Variants in BST1 observed in about 807,000 individuals in gnomAD.
BST1 encodes bone marrow stromal cell antigen 1, also known as ADP-ribosyl cyclase/cyclic ADP-ribose hydrolase 2.
In BST1, 49 loss-of-function variants were observed where a neutral mutation model predicts 40.6. The observed-to-expected ratio is 1.21, with a 90% CI of 0.96 to 1.53. The LOEUF (loss-of-function observed/expected upper bound fraction) is 1.53. BST1 is among the 40% of genes most tolerant of loss of function. The probability of loss-of-function intolerance (pLI) is 0.00; values close to 1 mark genes in which losing one functional copy is unlikely to be tolerated. For synonymous variants in BST1, 157 were observed against 159.3 expected, an observed-to-expected ratio of 0.99 and a Z score of 0.11; for missense variants, 423 against 395.9, an observed-to-expected ratio of 1.07 and a Z score of -0.58.
At chr4:15,757,388 C>T in the BST1 span, among the ~76,000 whole-genome samples, 1 of 152,160 alleles carries the variant, frequency 6.6e-6, no homozygotes, top group African/African-American at 2.4e-5. Context: ...GCACGAACTG[C>T]AGTGTATTTT....
At chr4:15,720,599 CA>C (rs575238008) in intron 7 of BST1, among the ~76,000 whole-genome samples, 2,352 of 109,958 alleles carry the variant, frequency 0.021, 27 homozygotes, top group African/African-American at 0.055. Context: ...GACTCTGTCT[CA>C]AAAAAAAAAA....
chr4:15,710,403 A>G (rs955063689), intron 3 of BST1, among the ~76,000 whole-genome samples: 4 of 152,298 alleles, frequency 2.6e-5, no homozygotes, highest in African/African-American at 9.6e-5. Flanking sequence ...TTAGCATATC[A>G]ATCATCTTAA....
At chr4:15,758,993 A>C in the BST1 span, among the ~76,000 whole-genome samples, 1 of 151,852 alleles carries the variant, frequency 6.6e-6, no homozygotes, top group Non-Finnish European at 1.5e-5. Context: ...CATGGCTAAG[A>C]GTCAATGCTT....
At chr4:15,723,877 A>T (rs1720959960) in intron 8 of BST1, among the ~76,000 whole-genome samples, 1 of 152,146 alleles carries the variant, frequency 6.6e-6, no homozygotes, top group Non-Finnish European at 1.5e-5. Context: ...CCATATCTGT[A>T]TCTGTGCCTG....
chr4:15,704,786 G>T, intron 1 of BST1: 1 of 672,298 alleles, frequency 1.5e-6, no homozygotes. Flanking sequence ...CCTAAATCTG[G>T]AGGATTTCTG....
chr4:15,752,109 A>G, the BST1 span, among the ~76,000 whole-genome samples: 1 of 152,190 alleles, frequency 6.6e-6, no homozygotes, highest in Non-Finnish European at 1.5e-5. Context: ...AACAGCTATC[A>G]TTGTGTGTTT....
At chr4:15,758,994 G>A in the BST1 span, among the ~76,000 whole-genome samples, 1 of 151,850 alleles carries the variant, frequency 6.6e-6, no homozygotes, top group Non-Finnish European at 1.5e-5. Flanking sequence ...ATGGCTAAGA[G>A]TCAATGCTTG....
intron 4 of BST1, among the ~76,000 whole-genome samples, chr4:15,714,647 C>G (rs1720409557): frequency 6.6e-6 from 1 of 152,180 alleles, no homozygotes; most frequent in Non-Finnish European, 1.5e-5. Flanking sequence ...CTGCACTATA[C>G]ATCTCTGTGC....
chr4:15,723,619 T>G, intron 8 of BST1: 4 of 984,764 alleles, frequency 4.1e-6, no homozygotes, highest in Non-Finnish European at 4.8e-6. Context: ...GTAGTTGTTT[T>G]GCTATTATAA....
chr4:15,749,429 A>G, the BST1 span, among the ~76,000 whole-genome samples: 1 of 152,012 alleles, frequency 6.6e-6, no homozygotes, highest in Non-Finnish European at 1.5e-5. Flanking sequence ...TATTCAGGGG[A>G]TCTTTTCTAG....
the BST1 span, among the ~76,000 whole-genome samples, chr4:15,751,154 G>A: frequency 1.3e-5 from 2 of 152,212 alleles, no homozygotes; most frequent in Non-Finnish European, 2.9e-5. Flanking sequence ...GGATAGGCAG[G>A]TGAGTGAGCA....
intron 1 of BST1, among the ~76,000 whole-genome samples, chr4:15,704,570 G>A (rs11947383): frequency 0.42 from 63,027 of 150,406 alleles, 13,440 homozygotes; most frequent in African/African-American, 0.5. Context: ...TGAGGGATGT[G>A]TGTGTGGTCT....
At chr4:15,743,376 T>C in the BST1 span, 1 of 318,882 alleles carries the variant, frequency 3.1e-6, no homozygotes, top group Non-Finnish European at 6.1e-6. Context: ...GACTAATCTG[T>C]ATGAAGCTGT....
intron 8 of BST1, chr4:15,723,529 T>G (rs1203034650): frequency 2.0e-6 from 2 of 985,208 alleles, no homozygotes; most frequent in Non-Finnish European, 1.2e-6. Flanking sequence ...ATTACAGGCG[T>G]AAGCCACCAC....
chr4:15,757,293 T>C, the BST1 span, among the ~76,000 whole-genome samples: 1 of 152,198 alleles, frequency 6.6e-6, no homozygotes, highest in Non-Finnish European at 1.5e-5. Context: ...TAGCTTTTTT[T>C]CTTGCTAATC....
chr4:15,759,002 TTGGAATCAGG>T, the BST1 span, among the ~76,000 whole-genome samples: 677 of 152,062 alleles, frequency 4.5e-3, 17 homozygotes, highest in African/African-American at 0.016. Context: ...GAGTCAATGC[TTGGAATCAGG>T]TGGACAGGCA....
rs777458820 is a variant in BST1 at position 15,707,566 on chromosome 4, G to A, written c.371G>A (p.Arg124His). The A allele has an allele frequency of 1.3e-5, 21 of 1,612,776 alleles. No homozygotes were observed. In the Admixed American group the frequency reaches 1.5e-4, roughly 12 times the overall value. The change falls in exon 3 of 9, where the codon CGT becomes CAT. Residue 124 changes from arginine (R) to histidine (H), a missense_variant. Coordinates refer to ENST00000265016, the MANE Select transcript of BST1 (RefSeq NM_004334.3). ...GTTAACAGCTTTGCAGACAACACCC[G>A]TCGTTTTATGCCCCTGAGCGATGTT... ...LLVNSFADNT[R>H]RFMPLSDVLY...
chr4:15,724,894 T>C, intron 8 of BST1, among the ~76,000 whole-genome samples: 1 of 152,196 alleles, frequency 6.6e-6, no homozygotes, highest in East Asian at 1.9e-4. Flanking sequence ...TTTCTGGGTT[T>C]AGCACTTGAA....
At chr4:15,716,868 C>T (rs1201602006) in intron 6 of BST1, among the ~76,000 whole-genome samples, 1 of 152,086 alleles carries the variant, frequency 6.6e-6, no homozygotes, top group African/African-American at 2.4e-5. Flanking sequence ...CTCCGCCTCC[C>T]GAGTTCAAGT....
Sources: allele counts gnomAD v4.1 joint callset (sites outside exome capture counted in the v4.1 genomes callset), GRCh38; gene constraint gnomAD v4.1.1; transcripts MANE v1.5; gene names NCBI Gene and HGNC (gene_info 2026-07-23, HGNC 2026-07-21).